CTNNA3: variants seen among roughly 807,000 people sequenced by gnomAD.
CTNNA3 encodes catenin alpha 3, also known as catenin alpha-3.
Under a neutral mutation model 95.7 loss-of-function variants are expected in CTNNA3, and 76 were observed. That is an observed-to-expected ratio of 0.79 (90% CI 0.66 to 0.96). The LOEUF (loss-of-function observed/expected upper bound fraction) is 0.96, where lower values mean the gene tolerates loss of function less well. Ranked by LOEUF, CTNNA3 falls within the 40% of genes least tolerant of loss-of-function variation. The pLI is 0.00. For missense variants in CTNNA3, 1,191 were observed against 1,089.8 expected (o/e 1.09, Z -1.31); for synonymous variants, 431 against 374.4 (o/e 1.15, Z -1.74).
In CTNNA3 at chr10:66,927,179, C is replaced by T. The variant is rs985751184; in HGVS notation, c.1048-151655G>A. 1 of 1,614,070 alleles carries T rather than the reference C, an allele frequency of 6.2e-7. No individual in the cohort carries two copies. The highest frequency in any genetic ancestry group is 1.3e-5 in the African/African-American group (1 of 74,934). On this transcript the variant is annotated intron_variant, in intron 7 of 17. Coordinates refer to ENST00000433211, the MANE Select transcript of CTNNA3 (RefSeq NM_013266.4). The surrounding 1 kb of genome is among the most constrained non-coding windows in gnomAD (Gnocchi z 4.7). ...CAATTTAAAGGGCTCAACCAGCTCACCTGGCTATACCTTGACCATAACCAT... is the reference window on the plus strand; with the variant it reads ...CAATTTAAAGGGCTCAACCAGCTCATCTGGCTATACCTTGACCATAACCAT...
intron 15 of CTNNA3, among the ~76,000 whole-genome samples, chr10:65,995,296 A>G (rs1042510254): frequency 4.0e-5 from 6 of 148,728 alleles, no homozygotes; most frequent in African/African-American, 1.5e-4. Context: ...ATTTTTTTGG[A>G]TTGTCTTTTG....
intron 11 of CTNNA3, among the ~76,000 whole-genome samples, chr10:66,504,605 AAGG>A (rs1325900933): frequency 6.6e-6 from 1 of 152,164 alleles, no homozygotes; most frequent in East Asian, 1.9e-4. Flanking sequence ...GCTGTGTGGC[AAGG>A]AGAAAATTTC....
chr10:67,491,088 A>G (rs184634827), intron 5 of CTNNA3, among the ~76,000 whole-genome samples: 42 of 152,200 alleles, frequency 2.8e-4, no homozygotes, highest in Non-Finnish European at 5.0e-4. Context: ...AATTTTAAAA[A>G]CTCAGTTGAA....
intron 7 of CTNNA3, among the ~76,000 whole-genome samples, chr10:66,983,555 T>A (rs1033055410): frequency 6.6e-6 from 1 of 151,864 alleles, no homozygotes; most frequent in African/African-American, 2.4e-5. Context: ...CATGGTAACA[T>A]CTAAACTGGA....
rs1203051903 is a variant in CTNNA3, at chr10:67,735,134, CACACACACACAA to C, written c.-2+28288_-2+28299del. Among the ~76,000 whole-genome samples, 610 of 118,092 alleles carry C rather than the reference CACACACACACAA, an allele frequency of 5.2e-3. 5 individuals are homozygous for C. The highest frequency in any genetic ancestry group is 0.024 in the African/African-American group (533 of 22,122). 77.5% of individuals were successfully genotyped at this position (118,092 alleles called of 152,430 possible). The stretch of plus-strand genomic sequence containing the variant: ...CACCCTTCCAGCAAGTGAGCACACA[CACACACACACAA>C]ACACACACACACACACACACACACA... On this transcript the variant is annotated intron_variant, in intron 1 of 17. Coordinates refer to the CTNNA3 transcript ENST00000684154.
At chr10:67,078,852 C>G (rs1440515966) in intron 7 of CTNNA3, among the ~76,000 whole-genome samples, 10 of 152,144 alleles carry the variant, frequency 6.6e-5, no homozygotes, top group Non-Finnish European at 1.5e-4. Context: ...TCTCAAACTT[C>G]AGAGCAAGGT....
intron 1 of CTNNA3, among the ~76,000 whole-genome samples, chr10:67,710,157 G>A (rs1409929884): frequency 1.3e-5 from 2 of 152,102 alleles, no homozygotes; most frequent in Non-Finnish European, 2.9e-5. Flanking sequence ...AAGTAGGAAG[G>A]GAGAGCGATA....
chr10:67,726,563 T>TATATATTACATATTATATAATATGTA (rs1564841295), intron 1 of CTNNA3, among the ~76,000 whole-genome samples: 14 of 68,700 alleles, frequency 2.0e-4, no homozygotes, highest in East Asian at 1.0e-3. Flanking sequence ...TATAATATAA[T>TATATATTACATATTATATAATATGTA]ATATATTACA....
At chr10:67,642,326 A>T (rs951042705) in intron 2 of CTNNA3, among the ~76,000 whole-genome samples, 5 of 152,204 alleles carry the variant, frequency 3.3e-5, no homozygotes, top group African/African-American at 1.2e-4. Context: ...CAAGGAACTT[A>T]AACAAATTTA....
chr10:65,923,439 A>C (rs1428004385), intron 17 of CTNNA3, among the ~76,000 whole-genome samples: 1 of 152,204 alleles, frequency 6.6e-6, no homozygotes, highest in African/African-American at 2.4e-5. Context: ...TTATCCCAAT[A>C]CTGGCTTAAT....
At position 67,602,094 on chromosome 10, in the gene CTNNA3, T is replaced by C. The variant is rs370804570; in HGVS notation, c.292+4763A>G. Among the ~76,000 whole-genome samples, 4 of 152,204 alleles carry C rather than the reference T, an allele frequency of 2.6e-5. No individual in the cohort carries two copies. The East Asian group carries it at 7.7e-4, about 29-fold the overall frequency. On this transcript the variant is annotated intron_variant, in intron 3 of 17. Coordinates refer to ENST00000433211, the MANE Select transcript of CTNNA3 (RefSeq NM_013266.4). ...TAAGTCAATAAATATATAATAAAGC[T>C]ATCTGTACTCTCAATATATTTTCAC...
intron 7 of CTNNA3, chr10:66,925,872 G>A (rs1304197651): frequency 1.4e-4 from 49 of 348,638 alleles, no homozygotes; most frequent in South Asian, 1.0e-3. Context: ...TATTGATCAC[G>A]GTGACCATTC....
intron 9 of CTNNA3, among the ~76,000 whole-genome samples, chr10:66,700,682 CA>C (rs1232470923): frequency 2.0e-5 from 3 of 152,002 alleles, no homozygotes; most frequent in Non-Finnish European, 2.9e-5. Flanking sequence ...TAAGTATGTC[CA>C]TCATTCTAAA....
chr10:66,886,664 G>A (rs959624795), intron 7 of CTNNA3, among the ~76,000 whole-genome samples: 2 of 152,146 alleles, frequency 1.3e-5, no homozygotes, highest in African/African-American at 4.8e-5. Flanking sequence ...CTAGTTGACA[G>A]GAGCTAGATT....
intron 6 of CTNNA3, among the ~76,000 whole-genome samples, chr10:67,196,653 G>C (rs987992799): frequency 5.3e-5 from 8 of 151,984 alleles, no homozygotes; most frequent in African/African-American, 1.7e-4. Flanking sequence ...AAGCAAACCA[G>C]CCTATGCACA....
intron 5 of CTNNA3, among the ~76,000 whole-genome samples, chr10:67,424,035 C>CA (rs1300553254): frequency 3.3e-5 from 5 of 152,064 alleles, no homozygotes; most frequent in African/African-American, 1.2e-4. Flanking sequence ...AATAAATACT[C>CA]AAAAAATTAC....
intron 3 of CTNNA3, among the ~76,000 whole-genome samples, chr10:67,563,330 A>T (rs902402266): frequency 6.6e-6 from 1 of 152,186 alleles, no homozygotes; most frequent in Non-Finnish European, 1.5e-5. Flanking sequence ...CTCAGAAATA[A>T]TACCACACAC....
In CTNNA3 at chr10:67,416,619, A is replaced by C. The variant is rs1041205524; in HGVS notation, c.579+105223T>G. Among the ~76,000 whole-genome samples, 101 of 150,986 alleles carry C rather than the reference A, an allele frequency of 6.7e-4. 1 individual carries two copies. Among genetic ancestry groups the C allele is most frequent in the African/African-American group, 2.3e-3 (94 of 41,318 alleles). On this transcript the variant is annotated intron_variant, in intron 5 of 17. Coordinates refer to ENST00000433211, the MANE Select transcript of CTNNA3 (RefSeq NM_013266.4). ...AGAGACTCTGTCTCAAAAAAAAAAA[A>C]AAAAAAAAAAAACAAGTGGACAAAG... is the stretch of plus-strand genomic sequence containing the variant.
At chr10:67,156,457 A>G (rs1464644014) in intron 7 of CTNNA3, among the ~76,000 whole-genome samples, 1 of 152,066 alleles carries the variant, frequency 6.6e-6, no homozygotes, top group East Asian at 1.9e-4. Flanking sequence ...GCTGCATTCC[A>G]TGAGCTTGGT....
Sources: gnomAD v4.1 joint callset for allele counts (sites outside exome capture counted in the v4.1 genomes callset) on GRCh38, gnomAD v4.1.1 for gene constraint, Gnocchi (gnomAD v3.1) non-coding constraint, MANE v1.5 for transcripts, NCBI Gene and HGNC (gene_info 2026-07-23, HGNC 2026-07-21) for gene names.